Variants in ZNF217 observed in about 807,000 individuals in gnomAD.
ZNF217 encodes zinc finger protein 217.
ZNF217 carries 12 observed loss-of-function variants against 73.3 expected under a neutral mutation model. The observed-to-expected ratio is 0.16, with a 90% CI of 0.10 to 0.27. ZNF217 has a LOEUF of 0.27. Ranked by LOEUF, ZNF217 falls within the 10% of genes least tolerant of loss-of-function variation. The pLI is 1.00. For synonymous variants in ZNF217, 588 were observed against 516.4 expected (o/e 1.14, Z -1.88); for missense variants, 1,195 against 1,327.8 (o/e 0.90, Z 1.55).
intron 1 of ZNF217, among the ~76,000 whole-genome samples, chr20:53,593,430 C>G (rs1988953191): frequency 6.6e-6 from 1 of 151,386 alleles, no homozygotes; most frequent in Non-Finnish European, 1.5e-5. Context: ...AACAGCCCCC[C>G]ACCGCCCACC....
At position 53,577,163 on chromosome 20, in the gene ZNF217, T is replaced by G. The variant is rs770913909; in HGVS notation, c.1601A>C (p.Lys534Thr). ...EKQTDVAAEV[K>T]NDGKNQDTED... ...AGTGTCCTGATTTTTACCATCGTTC[T>G]TGACTTCAGCAGCAACATCGGTTTG... Residue 534 changes from lysine (K) to threonine (T), a missense_variant, in exon 4 of 6, where the codon AAG (lysine) becomes ACG (threonine). By Grantham distance (78) the Lys-to-Thr change is moderately conservative. This residue lies in a region of ZNF217 where 649 missense variants were observed against 642.8 expected (regional missense o/e 1.01). Coordinates refer to ENST00000371471, the MANE Select transcript of ZNF217 (RefSeq NM_006526.3). The G allele has an allele frequency of 3.0e-5, 49 of 1,613,892 alleles. No homozygotes were observed. The highest frequency in any genetic ancestry group is 4.0e-5 in the Non-Finnish European group (47 of 1,180,050).
intron 2 of ZNF217, among the ~76,000 whole-genome samples, chr20:53,580,791 T>G (rs1988452067): frequency 1.3e-5 from 2 of 152,170 alleles, no homozygotes. Context: ...AAGGACAAGG[T>G]TTTGGACAGC....
At chr20:53,591,138 G>C (rs2145981050) in intron 1 of ZNF217, among the ~76,000 whole-genome samples, 1 of 152,200 alleles carries the variant, frequency 6.6e-6, no homozygotes, top group African/African-American at 2.4e-5. Flanking sequence ...TTTCTAAGTG[G>C]TGTATTAGTT....
intron 4 of ZNF217, among the ~76,000 whole-genome samples, chr20:53,572,306 G>A (rs1988046026): frequency 6.6e-6 from 1 of 152,144 alleles, no homozygotes; most frequent in African/African-American, 2.4e-5. Flanking sequence ...TCGGGAGGCT[G>A]AGACGGAAGG....
At position 53,567,332 on chromosome 20, in the gene ZNF217, T is replaced by C. The variant is rs976827043; in HGVS notation, c.*1956A>G. On this transcript the variant is annotated 3_prime_UTR_variant, in exon 6 of 6. Transcript: ENST00000371471. ...GTTAATACTGATGGACACAAAAACA[T>C]ATTTTGAAGTACAAAGGGCTGTAGG... 14 of 152,616 alleles carry C rather than the reference T, an allele frequency of 9.2e-5. No homozygotes were observed. The highest frequency in any genetic ancestry group is 1.8e-4 in the Non-Finnish European group (12 of 68,038). 9.5% of individuals were successfully genotyped at this position (152,616 alleles called of 1,614,324 possible). A position where few individuals can be genotyped will look rare whatever the true frequency, so the allele number is the denominator to read the frequency against.
upstream of ZNF217, among the ~76,000 whole-genome samples, chr20:53,595,964 C>T (rs992095480): frequency 6.6e-6 from 1 of 152,124 alleles, no homozygotes; most frequent in Non-Finnish European, 1.5e-5. Context: ...ACCTTGAATG[C>T]TGTAAACACA....
At position 53,593,226 on chromosome 20, in the gene ZNF217, G is replaced by A. The variant is rs7267423; in HGVS notation, c.-343+530C>T. ...CTTAGAGGCGCCCTCCGCCCGGCCCGAGTGGACCGTCCCGGCCATTGTTTA... is the reference window on the plus strand; with the variant it reads ...CTTAGAGGCGCCCTCCGCCCGGCCCAAGTGGACCGTCCCGGCCATTGTTTA... On this transcript the variant is annotated intron_variant, in intron 1 of 5. Coordinates refer to ENST00000371471, the MANE Select transcript of ZNF217 (RefSeq NM_006526.3). Among the ~76,000 whole-genome samples, 467 of 152,120 alleles carry A rather than the reference G, an allele frequency of 3.1e-3. 2 individuals carry two copies. The highest frequency in any genetic ancestry group is 0.011 in the African/African-American group (456 of 41,518).
intron 2 of ZNF217, among the ~76,000 whole-genome samples, chr20:53,579,428 T>C (rs1300863444): frequency 2.6e-5 from 4 of 152,206 alleles, no homozygotes; most frequent in African/African-American, 7.2e-5. Flanking sequence ...GCCAGGATGA[T>C]AGTACAATAT....
rs1473808943 is a variant in ZNF217, at chr20:53,567,248, C to T, written c.*2040G>A. On this transcript the variant is annotated 3_prime_UTR_variant, in exon 6 of 6. Transcript: ENST00000371471. ...AACAAAAATCCAACGAATTGTACCT[C>T]TATTATATGTACTGTTGTCTCAAAG... 1 of 152,484 alleles carries T rather than the reference C, an allele frequency of 6.6e-6. No homozygotes were observed. The highest frequency in any genetic ancestry group is 1.5e-5 in the Non-Finnish European group (1 of 68,002). 9.4% of individuals were successfully genotyped at this position (152,484 alleles called of 1,614,324 possible).
intron 1 of ZNF217, among the ~76,000 whole-genome samples, chr20:53,589,611 A>C (rs1400805645): frequency 6.6e-6 from 1 of 152,180 alleles, no homozygotes; most frequent in African/African-American, 2.4e-5. Context: ...CTGTTCTTCC[A>C]CTTCCTTAAA....
chr20:53,579,968 G>A (rs909659288), intron 2 of ZNF217, among the ~76,000 whole-genome samples: 3 of 152,196 alleles, frequency 2.0e-5, no homozygotes, highest in African/African-American at 7.2e-5. Context: ...ACCACCTACC[G>A]GTAACTGGCC....
At position 53,568,448 on chromosome 20, in the gene ZNF217, C is replaced by T. The variant is rs1987838572; in HGVS notation, c.*840G>A. 1 of 152,130 alleles carries T rather than the reference C, an allele frequency of 6.6e-6. No individual in the cohort carries two copies. The highest frequency in any genetic ancestry group is 1.5e-5 in the Non-Finnish European group (1 of 68,034). The allele number at this position is 152,130 out of a possible 1,614,324, so 9.4% of individuals were successfully genotyped here. A position where few individuals can be genotyped will look rare whatever the true frequency, so the allele number is the denominator to read the frequency against. ...ACTGCACATACAGTTTATGTTTATA[C>T]AACGTGTGGCTGCTCTACAGAGAAA... is the stretch of plus-strand genomic sequence containing the variant. On this transcript the variant is annotated 3_prime_UTR_variant, in exon 6 of 6. Transcript: ENST00000371471.
chr20:53,575,910 T>C lies in ZNF217; in HGVS notation c.2854A>G (p.Thr952Ala). 6.2e-7 allele frequency: 1 copy of C among 1,614,202 alleles called. No individual in the cohort carries two copies. The highest frequency in any genetic ancestry group is 8.5e-7 in the Non-Finnish European group (1 of 1,180,020). ...LPKYHMVRGI[T>A]SLLPQDCVYP... ...ACACAGTCCTGCGGTAACAGTGATG[T>C]GATGCCTCTGACCATATGGTACTTG... is the stretch of plus-strand genomic sequence containing the variant. The change falls in exon 4 of 6, where the codon ACA becomes GCA. Residue 952 changes from threonine (T) to alanine (A), a missense_variant. Thr to Ala is a moderately conservative substitution (Grantham distance 58). Coordinates refer to ENST00000371471, the MANE Select transcript of ZNF217 (RefSeq NM_006526.3).
In ZNF217 at chr20:53,578,459, A is replaced by G. The variant is rs1388812212; in HGVS notation, c.1367-9T>C. 1.3e-6 allele frequency: 2 copies of G among 1,519,972 alleles called. No homozygotes were observed. Among genetic ancestry groups the G allele is most frequent in the African/African-American group, 2.8e-5 (2 of 71,146 alleles). The allele number at this position is 1,519,972 out of a possible 1,614,324, so 94.2% of individuals were successfully genotyped here. ...TCCATCATCATTTTTATCTTAAAGGAAAAACAAAAATATTTATATAAGAAG... is the reference window on the plus strand; with the variant it reads ...TCCATCATCATTTTTATCTTAAAGGGAAAACAAAAATATTTATATAAGAAG... On this transcript the variant is annotated splice_polypyrimidine_tract_variant and intron_variant, in intron 2 of 5. Transcript: ENST00000371471.
At chr20:53,589,334 T>G (rs1208634108) in intron 1 of ZNF217, among the ~76,000 whole-genome samples, 1 of 152,264 alleles carries the variant, frequency 6.6e-6, no homozygotes, top group Non-Finnish European at 1.5e-5. Flanking sequence ...GTAATTTTAT[T>G]TCTCAACTTT....
rs1446853728 is a variant in ZNF217, at chr20:53,577,186, T to C, written c.1578A>G (p.Gln526=). ...TCTTGACTTCAGCAGCAACATCGGT[T>C]TGTTTTTCCTTGTGATGTCTCTCCA... ...YHLERHHKEK[Q]TDVAAEVKND... Residue 526 remains glutamine (Q), a synonymous_variant, in exon 4 of 6, where the codon CAA becomes CAG. Coordinates refer to ENST00000371471, the MANE Select transcript of ZNF217 (RefSeq NM_006526.3). 3 of 1,612,620 alleles carry C rather than the reference T, an allele frequency of 1.9e-6. No homozygotes were observed. The highest frequency in any genetic ancestry group is 2.5e-6 in the Non-Finnish European group (3 of 1,180,048).
At chr20:53,588,587 CA>C (rs1367559313) in intron 1 of ZNF217, among the ~76,000 whole-genome samples, 5 of 52,376 alleles carry the variant, frequency 9.5e-5, no homozygotes, top group African/African-American at 1.8e-4. Context: ...TGTATACACA[CA>C]TCTATCTATA....
chr20:53,579,836 GC>G (rs1376120110), intron 2 of ZNF217, among the ~76,000 whole-genome samples: 1 of 152,224 alleles, frequency 6.6e-6, no homozygotes, highest in Non-Finnish European at 1.5e-5. Flanking sequence ...GAAAGGTTAA[GC>G]AACTCATAAT....
chr20:53,596,240 C>CA (rs201769487), upstream of ZNF217, among the ~76,000 whole-genome samples: 55,248 of 144,842 alleles, frequency 0.38, 10,318 homozygotes, highest in Middle Eastern at 0.54. Flanking sequence ...CCGCCTCTCT[C>CA]AAAAAAAAAA....
Sources: gnomAD v4.1 joint callset for allele counts (sites outside exome capture counted in the v4.1 genomes callset) on GRCh38, gnomAD v4.1.1 for gene constraint, gnomAD v4.1.1 regional missense constraint, MANE v1.5 for transcripts, NCBI Gene and HGNC (gene_info 2026-07-23, HGNC 2026-07-21) for gene names.